BLTP3B: variants seen among roughly 807,000 people sequenced by gnomAD.
The protein encoded by BLTP3B is bridge-like lipid transfer protein family member 3B.
chr12:100,088,426 T>C, the BLTP3B span, among the ~76,000 whole-genome samples: 1 of 152,104 alleles, frequency 6.6e-6, no homozygotes, highest in African/African-American at 2.4e-5. Flanking sequence ...TGCTTCCTAA[T>C]CAAATTTTGG....
the BLTP3B span, chr12:100,108,345 G>A: frequency 1.3e-6 from 2 of 1,573,446 alleles, no homozygotes; most frequent in Non-Finnish European, 1.7e-6. Context: ...AAACATGAAA[G>A]GCCTTCCACA....
chr12:100,065,203 T>A, the BLTP3B span, among the ~76,000 whole-genome samples: 11 of 152,130 alleles, frequency 7.2e-5, no homozygotes, highest in Non-Finnish European at 5.9e-5. Context: ...TCTTCGTAAA[T>A]TGAGGATGTA....
the BLTP3B span, among the ~76,000 whole-genome samples, chr12:100,132,696 C>T: frequency 1.3e-5 from 2 of 152,164 alleles, no homozygotes; most frequent in African/African-American, 2.4e-5. Context: ...CCTGTAATCC[C>T]AGCACTTTGG....
the BLTP3B span, among the ~76,000 whole-genome samples, chr12:100,042,727 T>C: frequency 6.6e-6 from 1 of 152,194 alleles, no homozygotes; most frequent in East Asian, 1.9e-4. Flanking sequence ...TCAGCAGCCA[T>C]CAACCTTGAG....
the BLTP3B span, among the ~76,000 whole-genome samples, chr12:100,107,893 T>C: frequency 6.6e-6 from 1 of 151,964 alleles, no homozygotes; most frequent in African/African-American, 2.4e-5. Context: ...TGTGCTACCA[T>C]GTTGGGCTAT....
chr12:100,046,169 G>A, the BLTP3B span, among the ~76,000 whole-genome samples: 19 of 152,264 alleles, frequency 1.2e-4, no homozygotes, highest in East Asian at 3.3e-3. Flanking sequence ...ACAGTGTGGC[G>A]ATTCCTCAAG....
the BLTP3B span, chr12:100,059,423 A>C: frequency 6.2e-7 from 1 of 1,614,098 alleles, no homozygotes; most frequent in Non-Finnish European, 8.5e-7. Context: ...CAGAATGTCG[A>C]CAGTTTGGAC....
At chr12:100,086,957 G>A in the BLTP3B span, among the ~76,000 whole-genome samples, 15 of 151,974 alleles carry the variant, frequency 9.9e-5, no homozygotes, top group African/African-American at 3.1e-4. Flanking sequence ...TCAGGAGTTC[G>A]AGACCAGCCT....
chr12:100,117,791 G>A, the BLTP3B span, among the ~76,000 whole-genome samples: 6 of 152,008 alleles, frequency 3.9e-5, no homozygotes, highest in South Asian at 4.2e-4. Flanking sequence ...ATGAGCCACC[G>A]CACCTGACCT....
the BLTP3B span, among the ~76,000 whole-genome samples, chr12:100,061,539 C>G: frequency 6.6e-6 from 1 of 151,894 alleles, no homozygotes; most frequent in Non-Finnish European, 1.5e-5. Flanking sequence ...CGCCTGTAGT[C>G]CCAGCTACTG....
the BLTP3B span, among the ~76,000 whole-genome samples, chr12:100,094,756 G>C: frequency 2.0e-5 from 3 of 152,112 alleles, no homozygotes; most frequent in East Asian, 3.9e-4. Flanking sequence ...GCTACGCGGG[G>C]GGCTGAGGCA....
chr12:100,039,454 T>C, the BLTP3B span: 5 of 817,224 alleles, frequency 6.1e-6, no homozygotes, highest in South Asian at 4.6e-5. Flanking sequence ...ACTCTAACCA[T>C]AGCACCTAGC....
the BLTP3B span, among the ~76,000 whole-genome samples, chr12:100,124,978 A>ATATATATT: frequency 1.0e-5 from 1 of 99,260 alleles, no homozygotes; most frequent in African/African-American, 5.3e-5. Flanking sequence ...ATATATATAT[A>ATATATATT]TTTATATTTA....
chr12:100,089,051 T>C, the BLTP3B span: 1 of 1,609,700 alleles, frequency 6.2e-7, no homozygotes, highest in Non-Finnish European at 8.5e-7. Context: ...CATTTGAAGT[T>C]TGCGTTGTCT....
At chr12:100,102,591 G>T in the BLTP3B span, among the ~76,000 whole-genome samples, 5 of 151,540 alleles carry the variant, frequency 3.3e-5, no homozygotes, top group Admixed American at 6.6e-5. Context: ...AAAGCAAGAT[G>T]AATAAAGAAA....
At chr12:100,129,393 C>T in the BLTP3B span, among the ~76,000 whole-genome samples, 1 of 152,172 alleles carries the variant, frequency 6.6e-6, no homozygotes, top group East Asian at 1.9e-4. Context: ...TCTATGGAGG[C>T]CAAAGTAGTA....
the BLTP3B span, among the ~76,000 whole-genome samples, chr12:100,061,673 A>G: frequency 1.1e-4 from 17 of 151,904 alleles, 1 homozygote; most frequent in South Asian, 4.1e-4. Context: ...AAAAAAAAAA[A>G]AAAGAAAGAT....
At chr12:100,108,480 T>C in the BLTP3B span, 22 of 1,613,714 alleles carry the variant, frequency 1.4e-5, no homozygotes, top group Non-Finnish European at 5.1e-6. Context: ...CAACTCCAAA[T>C]TCTTCAGTTC....
chr12:100,103,917 C>G, the BLTP3B span: 11 of 1,600,596 alleles, frequency 6.9e-6, no homozygotes, highest in South Asian at 1.3e-4. Flanking sequence ...ACTCACCAAA[C>G]AGATGGGATG....
Sources: gnomAD v4.1 joint callset for allele counts (sites outside exome capture counted in the v4.1 genomes callset) on GRCh38, gnomAD v4.1.1 for gene constraint, MANE v1.5 for transcripts, NCBI Gene and HGNC (gene_info 2026-07-23, HGNC 2026-07-21) for gene names.